PBX1: variants seen among roughly 807,000 people sequenced by gnomAD.
PBX1 encodes the protein PBX homeobox 1, also known as pre-B-cell leukemia transcription factor 1.
PBX1 carries 6 observed loss-of-function variants against 53.4 expected under a neutral mutation model. The ratio of observed to expected loss-of-function variants is 0.11; its 90% CI spans 0.06 to 0.22. The LOEUF is 0.22. PBX1 is among the 10% of genes least tolerant of loss of function. The probability of loss-of-function intolerance (pLI) is 1.00; values close to 1 mark genes in which losing one functional copy is unlikely to be tolerated. For synonymous variants in PBX1, 204 were observed against 212.3 expected (o/e 0.96, Z 0.34); for missense variants, 251 against 551.4 (o/e 0.46, Z 5.46).
At chr1:164,817,947 T>C (rs1159524170) in intron 6 of PBX1, 2 of 152,176 alleles carry the variant, frequency 1.3e-5, no homozygotes, top group African/African-American at 4.8e-5. Flanking sequence ...TGAGACATCA[T>C]CTAGAGACGA....
At chr1:164,816,309 A>G (rs1453905861) in intron 6 of PBX1, 1 of 152,218 alleles carries the variant, frequency 6.6e-6, no homozygotes, top group Non-Finnish European at 1.5e-5. Flanking sequence ...TGCATGGGAC[A>G]TAATTTAAGC....
intron 2 of PBX1, among the ~76,000 whole-genome samples, chr1:164,699,473 C>T (rs1422309018): frequency 6.6e-6 from 1 of 152,074 alleles, no homozygotes. Flanking sequence ...ACTCCTGCTC[C>T]AGAAAAGATG....
Position 164,867,687 on chromosome 1 carries a change from A to G in PBX1, n.258-31501A>G, listed in dbSNP as rs184163929. Among the ~76,000 whole-genome samples the G allele has an allele frequency of 1.7e-3, 259 of 152,358 alleles. 4 individuals are homozygous for G. Among genetic ancestry groups the G allele is most frequent in the Admixed American group, 0.015 (237 of 15,302 alleles). ...CCCAGAATCAGCCAGATACCCAGGAAGAAAGGGAAGCGCGGGAGGAGTCAG... is the reference window on the plus strand; with the variant it reads ...CCCAGAATCAGCCAGATACCCAGGAGGAAAGGGAAGCGCGGGAGGAGTCAG... On this transcript the variant is annotated intron_variant and non_coding_transcript_variant, in intron 2 of 2. Coordinates refer to the PBX1 transcript ENST00000558796.
At chr1:164,855,821 G>GA (rs1558049024), downstream of PBX1, among the ~76,000 whole-genome samples, 1 of 152,156 alleles carries the variant, frequency 6.6e-6, no homozygotes, top group African/African-American at 2.4e-5. Context: ...GAAACAATCC[G>GA]ATCTATGCAT....
intron 4 of PBX1, among the ~76,000 whole-genome samples, chr1:164,805,205 A>G (rs140205908): frequency 1.3e-5 from 2 of 152,344 alleles, no homozygotes; most frequent in East Asian, 1.9e-4. Flanking sequence ...TCACAAAGCT[A>G]CTGATTGGTT....
chr1:164,691,059 G>A (rs1428462609), intron 2 of PBX1, among the ~76,000 whole-genome samples: 1 of 127,732 alleles, frequency 7.8e-6, no homozygotes, highest in Admixed American at 1.0e-4. Context: ...TTGTCACCCA[G>A]GCTGGAGTGC....
intron 8 of PBX1, among the ~76,000 whole-genome samples, chr1:164,834,040 T>TGTGTGTGTGTGTGTGTGTGTGC (rs1670904079): frequency 1.4e-5 from 2 of 147,044 alleles, no homozygotes; most frequent in Non-Finnish European, 3.0e-5. Flanking sequence ...TGTGTGTGTG[T>TGTGTGTGTGTGTGTGTGTGTGC]GTGTGTGTGT....
intron 2 of PBX1, among the ~76,000 whole-genome samples, chr1:164,565,828 C>G (rs1474752607): frequency 6.6e-6 from 1 of 151,190 alleles, no homozygotes; most frequent in African/African-American, 2.4e-5. Context: ...CACATACATT[C>G]CTTTATTGTT....
intron 2 of PBX1, chr1:164,771,226 T>G (rs1667353066): frequency 6.6e-6 from 1 of 152,106 alleles, no homozygotes; most frequent in Non-Finnish European, 1.5e-5. Context: ...AGAATGTAGT[T>G]TTCTTGCAAC....
In PBX1 at chr1:164,746,205, A is replaced by G. The variant is rs550491762; in HGVS notation, c.266-46289A>G. ...CTGTGTTTGGCATCTTGGTCATGCA[A>G]GAGGTTCAGTGCAGACTGTATAGGG... is the stretch of plus-strand genomic sequence containing the variant. On this transcript the variant is annotated intron_variant, in intron 2 of 8. Transcript: ENST00000420696. Among the ~76,000 whole-genome samples, 59 of 152,330 alleles carry G rather than the reference A, an allele frequency of 3.9e-4. 1 individual carries two copies. In the South Asian group the frequency reaches 0.012, roughly 31 times the overall value.
rs530383469 is a variant in PBX1 at position 164,692,825 on chromosome 1, G to A, written c.266-99669G>A. 2.2e-4 allele frequency among the ~76,000 whole-genome samples: 34 copies of A among 152,214 alleles called. No individual in the cohort carries two copies. In the East Asian group the frequency reaches 2.7e-3, roughly 12 times the overall value. On this transcript the variant is annotated intron_variant, in intron 2 of 8. Coordinates refer to ENST00000420696, the MANE Select transcript of PBX1 (RefSeq NM_002585.4). ...ATTAGCTTACCCAGTCTTCACAGTC[G>A]CCCTTTAAATGGGCTGCACAGTTTT...
chr1:164,786,718 T>TGTGTGTGTGCGC (rs1391268022), intron 2 of PBX1, among the ~76,000 whole-genome samples: 49 of 100,074 alleles, frequency 4.9e-4, no homozygotes, highest in African/African-American at 2.1e-3. Context: ...TGTGTGTGTG[T>TGTGTGTGTGCGC]GTGCGCGCGC....
intron 2 of PBX1, among the ~76,000 whole-genome samples, chr1:164,675,507 C>T (rs1165161322): frequency 1.3e-5 from 2 of 152,186 alleles, no homozygotes; most frequent in Admixed American, 6.5e-5. Flanking sequence ...CTGCCTAGCA[C>T]CGCCCAGGCC....
intron 2 of PBX1, among the ~76,000 whole-genome samples, chr1:164,580,420 A>C (rs1654527725): frequency 6.6e-6 from 1 of 152,196 alleles, no homozygotes. Context: ...CTGGGATTAC[A>C]GGCGTGCGCC....
chr1:164,757,001 A>G (rs2102211079), intron 2 of PBX1, among the ~76,000 whole-genome samples: 1 of 152,220 alleles, frequency 6.6e-6, no homozygotes, highest in South Asian at 2.1e-4. Flanking sequence ...GGAGCTGAGG[A>G]AGTAGAAGTG....
At chr1:164,870,168 C>T (rs537381323) in intron 2 of PBX1, among the ~76,000 whole-genome samples, 15 of 152,126 alleles carry the variant, frequency 9.9e-5, no homozygotes, top group Admixed American at 4.6e-4. Context: ...TATTCTCATT[C>T]TAAAATCACT....
At chr1:164,646,853 G>A (rs1421860089) in intron 2 of PBX1, among the ~76,000 whole-genome samples, 3 of 152,204 alleles carry the variant, frequency 2.0e-5, no homozygotes. Context: ...TAGGGGTCAG[G>A]ATGTGTAGTG....
intron 2 of PBX1, among the ~76,000 whole-genome samples, chr1:164,730,005 GC>G (rs1664896368): frequency 1.3e-5 from 2 of 152,116 alleles, no homozygotes; most frequent in Non-Finnish European, 2.9e-5. Flanking sequence ...TTCTAAACCT[GC>G]CCCAGTGTTA....
At chr1:164,826,874 A>G (rs1558031661) in intron 8 of PBX1, among the ~76,000 whole-genome samples, 1 of 151,202 alleles carries the variant, frequency 6.6e-6, no homozygotes, top group Non-Finnish European at 1.5e-5. Context: ...ACATCAATTT[A>G]TGACACAAAA....
Sources: gnomAD v4.1 joint callset for allele counts (sites outside exome capture counted in the v4.1 genomes callset) on GRCh38, gnomAD v4.1.1 for gene constraint, MANE v1.5 for transcripts, NCBI Gene and HGNC (gene_info 2026-07-23, HGNC 2026-07-21) for gene names.